TRIM71: variants seen among roughly 807,000 people sequenced by gnomAD.
TRIM71 encodes E3 ubiquitin-protein ligase TRIM71.
A neutral mutation model predicts 61.2 loss-of-function variants in TRIM71; 9 were observed. The observed-to-expected ratio is 0.15, with a 90% CI of 0.09 to 0.26. The LOEUF (loss-of-function observed/expected upper bound fraction) is 0.26. TRIM71 is among the 10% of genes least tolerant of loss of function. TRIM71 has a pLI of 1.00. For synonymous variants in TRIM71, 645 were observed against 553.2 expected, an observed-to-expected ratio of 1.17 and a Z score of -2.33; for missense variants, 998 against 1,238.7, an observed-to-expected ratio of 0.81 and a Z score of 2.92.
chr3:32,832,411 T>C (rs962655845), intron 1 of TRIM71, among the ~76,000 whole-genome samples: 2 of 152,306 alleles, frequency 1.3e-5, no homozygotes, highest in South Asian at 4.1e-4. Context: ...AAGGCTGCAG[T>C]GCGCTATGAT....
intron 1 of TRIM71, among the ~76,000 whole-genome samples, chr3:32,826,385 C>A (rs977799884): frequency 6.6e-6 from 1 of 152,078 alleles, no homozygotes; most frequent in African/African-American, 2.4e-5. Flanking sequence ...TTGCAGTGGG[C>A]CAGGATCATG....
At chr3:32,819,518 C>G (rs1190179476) in intron 1 of TRIM71, among the ~76,000 whole-genome samples, 6 of 152,186 alleles carry the variant, frequency 3.9e-5, no homozygotes, top group Non-Finnish European at 7.3e-5. Flanking sequence ...TCCTTGCCTC[C>G]TTATGTTGGG....
intron 1 of TRIM71, among the ~76,000 whole-genome samples, chr3:32,838,253 C>G (rs1229637863): frequency 1.3e-5 from 2 of 152,080 alleles, no homozygotes; most frequent in African/African-American, 4.8e-5. Context: ...GACGGAGTTT[C>G]ACTATCGTTG....
Position 32,856,701 on chromosome 3 carries a change from G to A in TRIM71, c.853-17117G>A, listed in dbSNP as rs560088763. On this transcript the variant is annotated intron_variant, in intron 1 of 3. Transcript: ENST00000383763. The stretch of plus-strand genomic sequence containing the variant: ...AATCTTATTTATGAAATCTCTCAAC[G>A]TTCTTTTCAACGAGCAAACAAAGTA... Among the ~76,000 whole-genome samples, 16 of 152,288 alleles carry A rather than the reference G, an allele frequency of 1.1e-4. No individual in the cohort carries two copies. In the East Asian group the frequency reaches 2.5e-3, roughly 24 times the overall value.
chr3:32,818,866 C>T lies in TRIM71; in HGVS notation c.786C>T (p.Gly262=). Residue 262 remains glycine, a synonymous_variant, in exon 1 of 4, where the codon GGC becomes GGT. Coordinates refer to ENST00000383763, the MANE Select transcript of TRIM71 (RefSeq NM_001039111.3). ...TCGGGCTCGGGCCGCCCTTTCCCGG[C>T]CCGCCCTTCTCCATCCTCTCAGTGT... ...QQLGLGPPFP[G]PPFSILSVFP... 6.2e-7 allele frequency: 1 copy of T among 1,612,482 alleles called. No individual in the cohort carries two copies. Among genetic ancestry groups the T allele is most frequent in the Non-Finnish European group, 8.5e-7 (1 of 1,179,798 alleles).
At chr3:32,825,427 T>C (rs1458502712) in intron 1 of TRIM71, among the ~76,000 whole-genome samples, 4 of 152,220 alleles carry the variant, frequency 2.6e-5, no homozygotes, top group Non-Finnish European at 5.9e-5. Context: ...GAGTTATTTC[T>C]GGTGCTAAAA....
At chr3:32,820,209 T>C (rs1326665489) in intron 1 of TRIM71, among the ~76,000 whole-genome samples, 1 of 152,188 alleles carries the variant, frequency 6.6e-6, no homozygotes, top group Non-Finnish European at 1.5e-5. Context: ...GGAGAGTGGG[T>C]ACCGAGCACC....
At chr3:32,874,344 A>G (rs1287526645) in intron 2 of TRIM71, among the ~76,000 whole-genome samples, 9 of 150,062 alleles carry the variant, frequency 6.0e-5, no homozygotes, top group East Asian at 3.9e-4. Flanking sequence ...TACTACTACT[A>G]CTACTACTAC....
At chr3:32,858,407 G>T (rs765416614) in intron 1 of TRIM71, among the ~76,000 whole-genome samples, 4 of 152,160 alleles carry the variant, frequency 2.6e-5, no homozygotes, top group Non-Finnish European at 4.4e-5. Context: ...TCTTAAATCC[G>T]ATGTAAATAG....
At chr3:32,879,010 C>T (rs1393247795) in intron 2 of TRIM71, among the ~76,000 whole-genome samples, 2 of 152,240 alleles carry the variant, frequency 1.3e-5, no homozygotes, top group African/African-American at 4.8e-5. Flanking sequence ...GCTTGTTCTT[C>T]TGGGTAACTT....
chr3:32,859,910 C>T (rs943724251), intron 1 of TRIM71, among the ~76,000 whole-genome samples: 1 of 151,966 alleles, frequency 6.6e-6, no homozygotes, highest in Non-Finnish European at 1.5e-5. Flanking sequence ...TGGGTTTATC[C>T]CCATGTGATT....
chr3:32,891,103 C>T lies in TRIM71; in HGVS notation c.1899C>T (p.Phe633=), dbSNP rs1252759375. 1 of 1,611,592 alleles carries T rather than the reference C, an allele frequency of 6.2e-7. No homozygotes were observed. The highest frequency in any genetic ancestry group is 1.3e-5 in the African/African-American group (1 of 74,948). The change falls in exon 4 of 4, where the codon TTC becomes TTT. Residue 633 remains phenylalanine (F), a synonymous_variant. Coordinates refer to ENST00000383763, the MANE Select transcript of TRIM71 (RefSeq NM_001039111.3). This position sits in a 1 kb window ranked among gnomAD's most constrained non-coding sequence, Gnocchi z 8.2. ...GCAGCAACAACCGCATCCAGGTGTTCAAGCCCTGCGGCGCCTTCCACCACA... is the reference window on the plus strand; with the variant it reads ...GCAGCAACAACCGCATCCAGGTGTTTAAGCCCTGCGGCGCCTTCCACCACA... ...ADRSNNRIQV[F]KPCGAFHHKF... is the part of the protein sequence containing the mutation.
At chr3:32,855,981 C>T (rs1019596643) in intron 1 of TRIM71, among the ~76,000 whole-genome samples, 2 of 151,612 alleles carry the variant, frequency 1.3e-5, no homozygotes, top group African/African-American at 4.8e-5. Flanking sequence ...ACCTAGTTTT[C>T]TCTAATAGTT....
intron 1 of TRIM71, among the ~76,000 whole-genome samples, chr3:32,858,386 T>C (rs1263741957): frequency 6.6e-6 from 1 of 152,234 alleles, no homozygotes; most frequent in Non-Finnish European, 1.5e-5. Context: ...CTTTCAAGGC[T>C]TTTAGCACAG....
At chr3:32,845,901 A>G (rs1025278353) in intron 1 of TRIM71, among the ~76,000 whole-genome samples, 1 of 149,116 alleles carries the variant, frequency 6.7e-6, no homozygotes, top group African/African-American at 2.5e-5. Context: ...TTGTATTTTT[A>G]GTAGAGACAG....
At chr3:32,884,074 T>C (rs1332119443) in intron 2 of TRIM71, among the ~76,000 whole-genome samples, 1 of 152,172 alleles carries the variant, frequency 6.6e-6, no homozygotes, top group East Asian at 1.9e-4. Flanking sequence ...GAGAATGCAG[T>C]GTGGCACCTA....
intron 1 of TRIM71, among the ~76,000 whole-genome samples, chr3:32,843,996 A>G (rs1373926296): frequency 1.3e-5 from 2 of 152,192 alleles, no homozygotes; most frequent in Non-Finnish European, 2.9e-5. Flanking sequence ...AATGTGAACT[A>G]TAGAGAAAAT....
intron 3 of TRIM71, among the ~76,000 whole-genome samples, chr3:32,889,466 A>T (rs1308669072): frequency 1.3e-5 from 2 of 149,516 alleles, no homozygotes; most frequent in Non-Finnish European, 3.0e-5. Context: ...TTTAACTTTT[A>T]TTTTTTTTAA....
intron 2 of TRIM71, among the ~76,000 whole-genome samples, chr3:32,874,650 G>A (rs925596782): frequency 2.0e-5 from 3 of 151,946 alleles, no homozygotes; most frequent in African/African-American, 7.3e-5. Context: ...AGCCTCCCGA[G>A]TAGCTGGGAC....
Sources: gnomAD v4.1 joint callset for allele counts (sites outside exome capture counted in the v4.1 genomes callset) on GRCh38, gnomAD v4.1.1 for gene constraint, Gnocchi (gnomAD v3.1) non-coding constraint, MANE v1.5 for transcripts, NCBI Gene and HGNC (gene_info 2026-07-23, HGNC 2026-07-21) for gene names.